Variants in USH2A observed in about 807,000 individuals in gnomAD.
USH2A encodes Usher syndrome 2A (autosomal recessive, mild).
In USH2A, 443 loss-of-function variants were observed where a neutral mutation model predicts 538.9. The ratio of observed to expected loss-of-function variants is 0.82; its 90% CI spans 0.76 to 0.89. USH2A has a LOEUF of 0.89. Among genes scored for constraint, USH2A ranks in the 40% least tolerant of loss-of-function variants. The probability of loss-of-function intolerance (pLI) is 0.00; values close to 1 mark genes in which losing one functional copy is unlikely to be tolerated. For missense variants in USH2A, 6,633 were observed against 6,324.8 expected (o/e 1.05, Z -1.65); for synonymous variants, 2,413 against 2,273.5 (o/e 1.06, Z -1.75).
At chr1:216,197,671 A>AT (rs921483412) in intron 18 of USH2A, among the ~76,000 whole-genome samples, 38 of 152,190 alleles carry the variant, frequency 2.5e-4, no homozygotes, top group African/African-American at 8.2e-4. Flanking sequence ...ACAAAAGTGT[A>AT]TTTTTTTTCT....
At chr1:215,792,615 G>A (rs553104100) in intron 50 of USH2A, among the ~76,000 whole-genome samples, 10 of 152,164 alleles carry the variant, frequency 6.6e-5, no homozygotes, top group Non-Finnish European at 1.5e-4. Flanking sequence ...TGTCTGACGT[G>A]CACTAACTCA....
At position 215,888,687 on chromosome 1, in the gene USH2A, C is replaced by T. The variant is rs767004210; in HGVS notation, c.7962G>A (p.Val2654=). 22 of 1,614,164 alleles carry T rather than the reference C, an allele frequency of 1.4e-5. No individual in the cohort carries two copies. Among genetic ancestry groups the T allele is most frequent in the Non-Finnish European group, 1.9e-5 (22 of 1,180,006 alleles). The part of the protein sequence containing the change: ...WQPPTHPNGL[V]ENFTIERRVK... ...CTCTTCTCTCAATTGTGAAATTCTC[C>T]ACCAAGCCATTGGGGTGGGTAGGGG... The change falls in exon 41 of 72, where the codon GTG becomes GTA. Residue 2654 remains valine (V), a synonymous_variant. Transcript: ENST00000307340.
rs17026722 is a variant in USH2A at position 216,418,826 on chromosome 1, T to C, written c.486-147A>G. ...GAATAAGTGCCTGAATGTCATTATA[T>C]TCAATGAAAGCTTTATTCCAATGAA... On this transcript the variant is annotated intron_variant, in intron 2 of 71. Transcript: ENST00000307340. 9.9e-3 allele frequency: 7,457 copies of C among 751,162 alleles called. 156 individuals are homozygous for C. Among genetic ancestry groups the C allele is most frequent in the African/African-American group, 0.054 (3,085 of 56,628 alleles). The allele number at this position is 751,162 out of a possible 1,614,324, so 46.5% of individuals were successfully genotyped here.
At chr1:216,044,867 T>C (rs961897360) in intron 32 of USH2A, among the ~76,000 whole-genome samples, 5 of 152,156 alleles carry the variant, frequency 3.3e-5, no homozygotes, top group African/African-American at 1.2e-4. Flanking sequence ...ATAAATATTA[T>C]GGAATTCTAT....
chr1:216,243,236 T>C (rs1430750786), intron 13 of USH2A, among the ~76,000 whole-genome samples: 1 of 152,206 alleles, frequency 6.6e-6, no homozygotes, highest in African/African-American at 2.4e-5. Context: ...TTTGTGCATA[T>C]ATTTCCTCAG....
chr1:215,842,905 A>G (rs1046585794), intron 46 of USH2A, among the ~76,000 whole-genome samples: 18 of 152,030 alleles, frequency 1.2e-4, no homozygotes, highest in African/African-American at 4.3e-4. Context: ...GCAGCAAACC[A>G]CCATGGCATA....
intron 43 of USH2A, among the ~76,000 whole-genome samples, chr1:215,875,892 A>G (rs1416887815): frequency 1.4e-5 from 2 of 143,028 alleles, no homozygotes; most frequent in Non-Finnish European, 3.1e-5. Context: ...TTAATTATAT[A>G]TAATAATCAA....
Position 215,817,022 on chromosome 1 carries a change from T to C in USH2A, c.9545A>G (p.His3182Arg). 1 of 1,612,640 alleles carries C rather than the reference T, an allele frequency of 6.2e-7. No individual in the cohort carries two copies. The highest frequency in any genetic ancestry group is 8.5e-7 in the Non-Finnish European group (1 of 1,178,916). The change falls in exon 48 of 72, where the codon CAC becomes CGC. Residue 3182 changes from histidine to arginine, a missense_variant. Transcript: ENST00000307340. ...RCQKPESICG[H>R]ICYSSEAKVC... is the part of the protein sequence containing the mutation. ...CTTAGCTTCAGAAGAATAGCAAATG[T>C]GTCCACAGATAGATTCAGGTTTTTG...
intron 38 of USH2A, among the ~76,000 whole-genome samples, chr1:215,933,564 A>G (rs1021837138): frequency 2.6e-5 from 4 of 152,046 alleles, no homozygotes; most frequent in African/African-American, 7.2e-5. Flanking sequence ...GTGTGGTTTT[A>G]TGATACAACA....
chr1:215,955,322 C>G (rs1490608502), intron 37 of USH2A, among the ~76,000 whole-genome samples: 1 of 152,148 alleles, frequency 6.6e-6, no homozygotes, highest in Admixed American at 6.6e-5. Context: ...ATCCCAGAAA[C>G]AGGCACCATC....
chr1:216,096,948 G>T, intron 22 of USH2A, 135 bp downstream of exon 22: 1 of 963,068 alleles, frequency 1.0e-6, no homozygotes, highest in African/African-American at 1.7e-5. Flanking sequence ...TTCTTGATTG[G>T]CAAAATGGGG....
intron 67 of USH2A, among the ~76,000 whole-genome samples, chr1:215,646,083 A>T (rs755634673): frequency 6.6e-6 from 1 of 152,246 alleles, no homozygotes; most frequent in Non-Finnish European, 1.5e-5. Context: ...TATTTCAGCC[A>T]TATAGTAAAA....
chr1:216,231,273 A>C (rs12138830), intron 14 of USH2A, among the ~76,000 whole-genome samples: 1 of 118,458 alleles, frequency 8.4e-6, no homozygotes. Flanking sequence ...TATATATATA[A>C]TATATATACA....
intron 52 of USH2A, among the ~76,000 whole-genome samples, chr1:215,784,738 A>G (rs1661745769): frequency 6.6e-6 from 1 of 152,234 alleles, no homozygotes; most frequent in African/African-American, 2.4e-5. Flanking sequence ...CATGAAAAAG[A>G]ACAGTTTGTT....
chr1:215,843,207 T>C (rs368211602), intron 46 of USH2A, among the ~76,000 whole-genome samples: 5 of 152,162 alleles, frequency 3.3e-5, no homozygotes, highest in African/African-American at 1.2e-4. Flanking sequence ...AAAGTTTCTG[T>C]GGTCATATAA....
chr1:216,349,385 C>T (rs549593871), intron 4 of USH2A, among the ~76,000 whole-genome samples: 8 of 152,114 alleles, frequency 5.3e-5, no homozygotes, highest in South Asian at 2.1e-4. Flanking sequence ...ATAGGGGCTC[C>T]GTAAAATAAG....
In USH2A at chr1:216,004,263, A is replaced by G. The variant is rs529674415; in HGVS notation, c.6326-3701T>C. ...AATTTGGTAAGTCATCATCATATAG[A>G]TGGCTAGGAGTGCAAACGGAGTGAG... On this transcript the variant is annotated intron_variant, in intron 32 of 71. Coordinates refer to ENST00000307340, the MANE Select transcript of USH2A (RefSeq NM_206933.4). Among the ~76,000 whole-genome samples the G allele has an allele frequency of 2.6e-5, 4 of 152,292 alleles. No homozygotes were observed. The East Asian group carries it at 7.7e-4, about 29-fold the overall frequency.
At chr1:216,004,481 G>C (rs923701340) in intron 32 of USH2A, among the ~76,000 whole-genome samples, 3 of 152,098 alleles carry the variant, frequency 2.0e-5, no homozygotes, top group African/African-American at 7.2e-5. Flanking sequence ...ATCGGCCATC[G>C]GGTATAACAA....
intron 62 of USH2A, among the ~76,000 whole-genome samples, chr1:215,679,694 T>C (rs564639759): frequency 6.6e-6 from 1 of 152,356 alleles, no homozygotes; most frequent in South Asian, 2.1e-4. Flanking sequence ...TGTGGCTTGC[T>C]TAATGAGCTC....
Sources: gnomAD v4.1 joint callset for allele counts (sites outside exome capture counted in the v4.1 genomes callset) on GRCh38, gnomAD v4.1.1 for gene constraint, MANE v1.5 for transcripts, NCBI Gene and HGNC (gene_info 2026-07-23, HGNC 2026-07-21) for gene names.